Variants in GHR observed in about 807,000 individuals in gnomAD.
GHR encodes growth hormone receptor.
Under a neutral mutation model 67.1 loss-of-function variants are expected in GHR, and 35 were observed. That is an observed-to-expected ratio of 0.52 (90% CI 0.40 to 0.69). The LOEUF (loss-of-function observed/expected upper bound fraction) is 0.69. GHR is among the 30% of genes least tolerant of loss of function. The pLI is 0.00. For missense variants in GHR, 792 were observed against 764.6 expected (o/e 1.04, Z -0.42); for synonymous variants, 272 against 269.1 (o/e 1.01, Z -0.10).
chr5:42,529,100 C>T (rs776796003), intron 1 of GHR, among the ~76,000 whole-genome samples: 7 of 151,468 alleles, frequency 4.6e-5, no homozygotes, highest in Admixed American at 1.3e-4. Context: ...CAAGCTCTGC[C>T]TCCCGGGTTC....
At chr5:42,514,392 T>C in intron 1 of GHR, 2 of 935,358 alleles carry the variant, frequency 2.1e-6, no homozygotes, top group Non-Finnish European at 2.6e-6. Context: ...TTATAATTTA[T>C]GACCTTTGAA....
In GHR at chr5:42,448,907, A is replaced by T. The variant is rs562304778; in HGVS notation, c.-12+24952A>T. ...GACTAGGGTGTCCTTTCCCCACTTC[A>T]TGTTTTTGTTTGCTTTGTTGAAGAT... On this transcript the variant is annotated intron_variant, in intron 1 of 9. Transcript: ENST00000230882. 2.6e-5 allele frequency among the ~76,000 whole-genome samples: 4 copies of T among 151,958 alleles called. No homozygotes were observed. In the South Asian group the frequency reaches 8.3e-4, roughly 32 times the overall value.
chr5:42,579,136 TAGATG>T (rs1561138892), intron 2 of GHR, among the ~76,000 whole-genome samples: 1,300 of 67,576 alleles, frequency 0.019, 13 homozygotes, highest in South Asian at 0.026. Context: ...GATAGATAGA[TAGATG>T]ATAGATAGAT....
intron 1 of GHR, among the ~76,000 whole-genome samples, chr5:42,433,770 G>A (rs1489976759): frequency 1.5e-5 from 2 of 137,796 alleles, no homozygotes; most frequent in Admixed American, 1.5e-4. Flanking sequence ...TAGGTAGAAG[G>A]GTTGGAGAGG....
chr5:42,576,099 T>TAAAATAAAATAAAATAAAATA (rs11400007), intron 2 of GHR, among the ~76,000 whole-genome samples: 2 of 69,236 alleles, frequency 2.9e-5, no homozygotes, highest in Non-Finnish European at 5.7e-5. Context: ...TAAAATAAAA[T>TAAAATAAAATAAAATAAAATA]AAATAAAATA....
At chr5:42,632,560 G>A (rs988571191) in intron 3 of GHR, among the ~76,000 whole-genome samples, 7 of 152,222 alleles carry the variant, frequency 4.6e-5, no homozygotes, top group Admixed American at 1.3e-4. Flanking sequence ...CTGGCAAAAG[G>A]TCTTAATCCA....
At chr5:42,716,834 T>C (rs1208462586) in intron 8 of GHR, among the ~76,000 whole-genome samples, 1 of 152,162 alleles carries the variant, frequency 6.6e-6, no homozygotes. Flanking sequence ...GTACTCCTTA[T>C]GGAATGGACT....
intron 1 of GHR, among the ~76,000 whole-genome samples, chr5:42,470,161 T>C (rs918246812): frequency 1.2e-3 from 165 of 139,062 alleles, no homozygotes; most frequent in Non-Finnish European, 2.2e-3. Context: ...TATTATAATA[T>C]ATAAGATATA....
chr5:42,518,240 C>G (rs1297850184), intron 1 of GHR, among the ~76,000 whole-genome samples: 1 of 151,322 alleles, frequency 6.6e-6, no homozygotes, highest in Non-Finnish European at 1.5e-5. Context: ...CAGAGGAAAA[C>G]AGATTGATTA....
intron 2 of GHR, among the ~76,000 whole-genome samples, chr5:42,583,764 G>T (rs898984277): frequency 2.6e-5 from 4 of 151,616 alleles, no homozygotes; most frequent in Non-Finnish European, 4.4e-5. Context: ...TTCTTCTTTT[G>T]TCATTTACCC....
At chr5:42,655,076 T>C (rs1755189144) in intron 3 of GHR, among the ~76,000 whole-genome samples, 1 of 152,124 alleles carries the variant, frequency 6.6e-6, no homozygotes, top group Non-Finnish European at 1.5e-5. Context: ...CATTCTCCTA[T>C]ATAGTCCAAA....
intron 1 of GHR, among the ~76,000 whole-genome samples, chr5:42,461,771 T>C (rs1744497712): frequency 6.6e-6 from 1 of 152,066 alleles, no homozygotes; most frequent in South Asian, 2.1e-4. Context: ...GAAGGGGACA[T>C]GAAAAAAGAA....
intron 1 of GHR, among the ~76,000 whole-genome samples, chr5:42,497,256 A>G (rs916861138): frequency 6.6e-6 from 1 of 152,062 alleles, no homozygotes; most frequent in Non-Finnish European, 1.5e-5. Context: ...GCATTCTTTG[A>G]CTTTCCTTGC....
At chr5:42,538,313 T>C (rs1472712610) in intron 1 of GHR, among the ~76,000 whole-genome samples, 1 of 152,200 alleles carries the variant, frequency 6.6e-6, no homozygotes, top group African/African-American at 2.4e-5. Flanking sequence ...TTTTAATGTT[T>C]CCAGGATTTG....
intron 1 of GHR, among the ~76,000 whole-genome samples, chr5:42,487,030 T>G (rs966035066): frequency 6.6e-6 from 1 of 152,160 alleles, no homozygotes; most frequent in Non-Finnish European, 1.5e-5. Context: ...GGTGAGGCAT[T>G]GCAGTATCAT....
Position 42,718,569 on chromosome 5 carries a change from T to C in GHR, c.1062T>C (p.Asp354=). 6.2e-7 allele frequency: 1 copy of C among 1,614,102 alleles called. No individual in the cohort carries two copies. The highest frequency in any genetic ancestry group is 8.5e-7 in the Non-Finnish European group (1 of 1,179,974). ...EFIELDIDEP[D]EKTEESDTDR... ...TTGAGCTAGATATTGATGAGCCAGA[T>C]GAAAAGACTGAGGAATCAGACACAG... The change falls in exon 10 of 10, where the codon GAT becomes GAC. Residue 354 remains aspartate, a synonymous_variant. Coordinates refer to ENST00000230882, the MANE Select transcript of GHR (RefSeq NM_000163.5).
intron 2 of GHR, among the ~76,000 whole-genome samples, chr5:42,612,407 G>T (rs1333364194): frequency 6.6e-6 from 1 of 152,030 alleles, no homozygotes; most frequent in Non-Finnish European, 1.5e-5. Context: ...AAGAAAATCT[G>T]GCTGAATAGT....
intron 1 of GHR, among the ~76,000 whole-genome samples, chr5:42,479,052 A>T (rs1486960647): frequency 6.6e-6 from 1 of 152,178 alleles, no homozygotes; most frequent in Non-Finnish European, 1.5e-5. Context: ...ATTTTGAGAT[A>T]TGTCCCATCA....
intron 1 of GHR, chr5:42,548,070 CAT>C: frequency 1.0e-6 from 1 of 985,196 alleles, no homozygotes; most frequent in Non-Finnish European, 1.2e-6. Context: ...TGGCTGCCTC[CAT>C]TGTAATAGGC....
Sources: gnomAD v4.1 joint callset for allele counts (sites outside exome capture counted in the v4.1 genomes callset) on GRCh38, gnomAD v4.1.1 for gene constraint, MANE v1.5 for transcripts, NCBI Gene and HGNC (gene_info 2026-07-23, HGNC 2026-07-21) for gene names.